The following ARPC5 variants were observed in gnomAD, a reference collection of about 807,000 sequenced individuals.
The protein encoded by ARPC5 is actin-related protein 2/3 complex subunit 5.
A neutral mutation model predicts 15.4 loss-of-function variants in ARPC5; 5 were observed. The ratio of observed to expected loss-of-function variants is 0.32; its 90% CI spans 0.17 to 0.68. ARPC5 has a LOEUF of 0.68. Among genes scored for constraint, ARPC5 ranks in the 30% least tolerant of loss-of-function variants. The pLI is 0.71. For missense variants in ARPC5, 138 were observed against 192.8 expected, an observed-to-expected ratio of 0.72 and a Z score of 1.68; for synonymous variants, 85 against 72.2, an observed-to-expected ratio of 1.18 and a Z score of -0.90.
At position 183,626,285 on chromosome 1, in the gene ARPC5, CAA is replaced by C. The variant is rs1649092832; in HGVS notation, c.*1245_*1246del. ...AACAAAAAGCAGGTATCAAAAACAG[CAA>C]AGAGTTTATAGAATTTCTGCACCAG... On this transcript the variant is annotated 3_prime_UTR_variant, in exon 4 of 4. Transcript: ENST00000359856. The C allele has an allele frequency of 6.6e-6, 1 of 152,130 alleles. No individual in the cohort carries two copies. Among genetic ancestry groups the C allele is most frequent in the African/African-American group, 2.4e-5 (1 of 41,420 alleles). The allele number at this position is 152,130 out of a possible 1,614,324, so 9.4% of individuals were successfully genotyped here.
At chr1:183,630,425 A>C in intron 3 of ARPC5, 36 bp downstream of exon 3, 3 of 1,484,922 alleles carry the variant, frequency 2.0e-6, no homozygotes, top group Non-Finnish European at 2.7e-6. Context: ...CTATTGTAAA[A>C]GAACCAGTCA....
At position 183,626,177 on chromosome 1, in the gene ARPC5, TAA is replaced by T; in HGVS notation, c.*1353_*1354del. On this transcript the variant is annotated 3_prime_UTR_variant, in exon 4 of 4. Transcript: ENST00000359856. ...TAATTAACCATACATTCATAATTGT[TAA>T]AGTCAGAGAAAAATAAATTATTCAA... 1 of 152,268 alleles carries T rather than the reference TAA, an allele frequency of 6.6e-6. No individual in the cohort carries two copies. 9.4% of individuals were successfully genotyped at this position (152,268 alleles called of 1,614,324 possible).
rs199989525 is a variant in ARPC5, at chr1:183,633,116, T to C, written c.182A>G (p.Asn61Ser). The stretch of plus-strand genomic sequence containing the variant: ...CTGACTCTTGGTGTTGATAGGGGGG[T>C]TCTTCAGAGCTGCCTGTAGGGCAGC... ...MTAALQAALK[N>S]PPINTKSQAV... Residue 61 changes from asparagine (N) to serine (S), a missense_variant, in exon 2 of 4, where the codon AAC becomes AGC. Physicochemically the swap from Asn to Ser is conservative, Grantham distance 46 (BLOSUM62 1). Around this residue, in one of 3 missense-constraint regions of ARPC5, gnomAD observed 121 missense variants for 153.7 expected, o/e 0.79. Transcript: ENST00000359856. 328 of 1,603,266 alleles carry C rather than the reference T, an allele frequency of 2.0e-4. No homozygotes were observed. The highest frequency in any genetic ancestry group is 2.4e-4 in the Non-Finnish European group (286 of 1,175,862).
In ARPC5 at chr1:183,623,823, G is replaced by C. The variant is rs770199657; in HGVS notation, c.*3709C>G. ...GGATCACCTGAGGTCAGGAGTTCAAGACCAGCCTGGGCAACATGGTGAAAC... is the reference window on the plus strand; with the variant it reads ...GGATCACCTGAGGTCAGGAGTTCAACACCAGCCTGGGCAACATGGTGAAAC... On this transcript the variant is annotated 3_prime_UTR_variant, in exon 4 of 4. Coordinates refer to ENST00000359856, the MANE Select transcript of ARPC5 (RefSeq NM_005717.4). The C allele has an allele frequency of 2.5e-5, 7 of 285,456 alleles. No individual in the cohort carries two copies. In the South Asian group the frequency reaches 3.1e-4, roughly 13 times the overall value. The allele number at this position is 285,456 out of a possible 1,614,324, so 17.7% of individuals were successfully genotyped here. A position where few individuals can be genotyped will look rare whatever the true frequency, so the allele number is the denominator to read the frequency against.
At chr1:183,630,709 A>G (rs1572198006) in intron 2 of ARPC5, 72 bp from the exon 3 acceptor site, 6 of 1,419,740 alleles carry the variant, frequency 4.2e-6, no homozygotes, top group Non-Finnish European at 4.8e-6. Context: ...CAGAAAGTCT[A>G]CACTATGAAT....
At position 183,626,918 on chromosome 1, in the gene ARPC5, A is replaced by T. The variant is rs940048413; in HGVS notation, c.*614T>A. 38 of 152,460 alleles carry T rather than the reference A, an allele frequency of 2.5e-4. No homozygotes were observed. Among genetic ancestry groups the T allele is most frequent in the African/African-American group, 9.2e-4 (38 of 41,460 alleles). The allele number at this position is 152,460 out of a possible 1,614,324, so 9.4% of individuals were successfully genotyped here. ...ACCACAAATAAATTGAGGGGCCATG[A>T]TTATTGGATGCTGAGAGAAAGTAGC... On this transcript the variant is annotated 3_prime_UTR_variant, in exon 4 of 4. Coordinates refer to ENST00000359856, the MANE Select transcript of ARPC5 (RefSeq NM_005717.4).
rs115105616 is a variant in ARPC5, at chr1:183,630,867, T to C, written c.217-230A>G. 4.8e-4 allele frequency: 205 copies of C among 427,112 alleles called. 1 individual carries two copies. Among genetic ancestry groups the C allele is most frequent in the African/African-American group, 3.8e-3 (187 of 49,858 alleles). The allele number at this position is 427,112 out of a possible 1,614,324, so 26.5% of individuals were successfully genotyped here. On this transcript the variant is annotated intron_variant, in intron 2 of 3. Transcript: ENST00000359856. ...AAAACCCAATGTGGTTGGAGTGGAT[T>C]GGTGGGAGAAAAGCACGTGAGTAAG...
At position 183,627,326 on chromosome 1, in the gene ARPC5, T is replaced by C; in HGVS notation, c.*206A>G. 1 of 601,346 alleles carries C rather than the reference T, an allele frequency of 1.7e-6. No individual in the cohort carries two copies. 37.3% of individuals were successfully genotyped at this position (601,346 alleles called of 1,614,324 possible). ...TGGTTTTGAAAGGATGAAACACTTC[T>C]ATTTTAACACAATTTCTTCTATATT... On this transcript the variant is annotated 3_prime_UTR_variant, in exon 4 of 4. Coordinates refer to ENST00000359856, the MANE Select transcript of ARPC5 (RefSeq NM_005717.4).
rs182138101 is a variant in ARPC5 at position 183,632,412 on chromosome 1, G to T, written c.216+670C>A. On this transcript the variant is annotated intron_variant, in intron 2 of 3. Coordinates refer to ENST00000359856, the MANE Select transcript of ARPC5 (RefSeq NM_005717.4). ...AATTAAAAATTTACCAAAAAATATT[G>T]ATTTCAGTGGTTTACAATAGGAAAA... 4.6e-5 allele frequency: 7 copies of T among 152,032 alleles called. No homozygotes were observed. The East Asian group carries it at 1.4e-3, about 29-fold the overall frequency. 9.4% of individuals were successfully genotyped at this position (152,032 alleles called of 1,614,324 possible). A position where few individuals can be genotyped will look rare whatever the true frequency, so the allele number is the denominator to read the frequency against.
intron 1 of ARPC5, among the ~76,000 whole-genome samples, chr1:183,634,885 A>G (rs991545793): frequency 5.4e-5 from 8 of 146,976 alleles, no homozygotes; most frequent in African/African-American, 2.0e-4. Context: ...TGTACAATGT[A>G]TATTTTGCCA....
At chr1:183,635,453 G>A (rs1280606260) in intron 1 of ARPC5, 64 bp downstream of exon 1, 2 of 1,519,048 alleles carry the variant, frequency 1.3e-6, no homozygotes, top group Non-Finnish European at 8.8e-7. Context: ...GCAGGCTCCC[G>A]GGTCCCAGGA....
At chr1:183,627,628 A>C (rs373801195) in intron 3 of ARPC5, 34 bp from the exon 4 acceptor site, 3 of 1,540,688 alleles carry the variant, frequency 1.9e-6, no homozygotes, top group African/African-American at 2.7e-5. Flanking sequence ...TGTTGACAGA[A>C]TAATAAAAGG....
At chr1:183,629,359 T>C (rs1428310221) in intron 3 of ARPC5, among the ~76,000 whole-genome samples, 2 of 152,230 alleles carry the variant, frequency 1.3e-5, no homozygotes, top group African/African-American at 2.4e-5. Flanking sequence ...AGGGTTGTTG[T>C]AAAGGTTAAA....
Position 183,621,003 on chromosome 1 carries a change from T to C in ARPC5, c.*6529A>G, listed in dbSNP as rs1037242192. 9.9e-5 allele frequency: 15 copies of C among 151,830 alleles called. No individual in the cohort carries two copies. The highest frequency in any genetic ancestry group is 3.6e-4 in the African/African-American group (15 of 41,352). The allele number at this position is 151,830 out of a possible 1,614,324, so 9.4% of individuals were successfully genotyped here. ...AAGAAAATATAGAAATACAAAAATA[T>C]AGAAAAGAAAATACAACTGGCTATT... On this transcript the variant is annotated 3_prime_UTR_variant, in exon 4 of 4. Transcript: ENST00000359856.
Position 183,635,513 on chromosome 1 carries a change from A to G in ARPC5, c.143+4T>C, listed in dbSNP as rs757553649. 6.2e-7 allele frequency: 1 copy of G among 1,609,540 alleles called. No individual in the cohort carries two copies. The highest frequency in any genetic ancestry group is 8.5e-7 in the Non-Finnish European group (1 of 1,178,320). ...GGTGGGGAGGGCGGTGAATGCAAGGATATTGCCGCAGGCAGGAGTCCACCT... is the reference window on the plus strand; with the variant it reads ...GGTGGGGAGGGCGGTGAATGCAAGGGTATTGCCGCAGGCAGGAGTCCACCT... On this transcript the variant is annotated splice_donor_region_variant and intron_variant, in intron 1 of 3. Coordinates refer to ENST00000359856, the MANE Select transcript of ARPC5 (RefSeq NM_005717.4).
Position 183,633,323 on chromosome 1 carries a change from T to C in ARPC5, c.144-169A>G, listed in dbSNP as rs558314053. The C allele has an allele frequency of 1.6e-3, 788 of 501,728 alleles. 5 individuals carry two copies. The highest frequency in any genetic ancestry group is 3.3e-4 in the Non-Finnish European group (92 of 281,974). The allele number at this position is 501,728 out of a possible 1,614,324, so 31.1% of individuals were successfully genotyped here. Reference sequence around the variant, plus strand: ...CAGGATGTTAATCAAAGGCAAAATATCAAAAGCAAAATAGAACATTAGACT... The same window carrying C: ...CAGGATGTTAATCAAAGGCAAAATACCAAAAGCAAAATAGAACATTAGACT... On this transcript the variant is annotated intron_variant, in intron 1 of 3. Coordinates refer to ENST00000359856, the MANE Select transcript of ARPC5 (RefSeq NM_005717.4).
At position 183,635,430 on chromosome 1, in the gene ARPC5, C is replaced by A. The variant is rs980775829; in HGVS notation, c.143+87G>T. 27 of 1,446,138 alleles carry A rather than the reference C, an allele frequency of 1.9e-5. No individual in the cohort carries two copies. In the South Asian group the frequency reaches 3.6e-4, roughly 19 times the overall value. 89.6% of individuals were successfully genotyped at this position (1,446,138 alleles called of 1,614,324 possible). A position where few individuals can be genotyped will look rare whatever the true frequency, so the allele number is the denominator to read the frequency against. ...TTGAGAGGGCAGCTCCGCGCCGGTG[C>A]CCCGCGGATCCTGCAGGCTCCCGGG... On this transcript the variant is annotated intron_variant, in intron 1 of 3. Coordinates refer to ENST00000359856, the MANE Select transcript of ARPC5 (RefSeq NM_005717.4).
At chr1:183,631,038 C>T (rs1484696428) in intron 2 of ARPC5, 2 of 157,756 alleles carry the variant, frequency 1.3e-5, no homozygotes, top group African/African-American at 4.8e-5. Flanking sequence ...GCTTTGGCAT[C>T]TATGTTACAG....
intron 1 of ARPC5, chr1:183,633,968 T>C (rs891469961): frequency 6.6e-6 from 1 of 152,194 alleles, no homozygotes; most frequent in African/African-American, 2.4e-5. Context: ...CCTGGCTGTA[T>C]GTAACGGTAA....
Sources: gnomAD v4.1 joint callset for allele counts (sites outside exome capture counted in the v4.1 genomes callset) on GRCh38, gnomAD v4.1.1 for gene constraint, gnomAD v4.1.1 regional missense constraint, MANE v1.5 for transcripts, NCBI Gene and HGNC (gene_info 2026-07-23, HGNC 2026-07-21) for gene names.